BCO1: variants seen among roughly 807,000 people sequenced by gnomAD.
The protein encoded by BCO1 is beta-carotene oxygenase 1.
BCO1 carries 54 observed loss-of-function variants against 56.3 expected under a neutral mutation model. That is an observed-to-expected ratio of 0.96 (90% CI 0.77 to 1.20). The LOEUF (loss-of-function observed/expected upper bound fraction) is 1.20, where lower values mean the gene tolerates loss of function less well. Ranked by LOEUF, BCO1 falls within the 50% of genes most tolerant of loss-of-function variation. The pLI is 0.00. For synonymous variants in BCO1, 318 were observed against 266.1 expected, an observed-to-expected ratio of 1.20 and a Z score of -1.90; for missense variants, 801 against 690.9, an observed-to-expected ratio of 1.16 and a Z score of -1.79.
chr16:81,270,537 A>AC, intron 7 of BCO1, 121 bp downstream of exon 7: 2 of 1,377,992 alleles, frequency 1.5e-6, no homozygotes, highest in East Asian at 4.7e-5. Context: ...AAAAAAAAAA[A>AC]AGTTTTCATT....
At chr16:81,260,448 G>A (rs186562360) in intron 3 of BCO1, among the ~76,000 whole-genome samples, 33 of 152,298 alleles carry the variant, frequency 2.2e-4, no homozygotes, top group African/African-American at 7.0e-4. Flanking sequence ...GCAGATGGAT[G>A]TTGAGGAGAG....
chr16:81,280,232 C>A (rs545462017), intron 7 of BCO1, among the ~76,000 whole-genome samples: 1 of 137,974 alleles, frequency 7.2e-6, no homozygotes, highest in South Asian at 2.4e-4. Context: ...CACTGCACTC[C>A]GGACTCCAGT....
rs539627603 is a variant in BCO1, at chr16:81,244,751, A to G, written c.65-724A>G. On this transcript the variant is annotated intron_variant, in intron 1 of 10. Transcript: ENST00000258168. The stretch of plus-strand genomic sequence containing the variant: ...TTTTTTTTTTTAATTTTTTGAGACA[A>G]GGTCTTGCTCTGTTGCCCAGGCTGG... Among the ~76,000 whole-genome samples, 12 of 145,220 alleles carry G rather than the reference A, an allele frequency of 8.3e-5. No homozygotes were observed. The South Asian group carries it at 2.6e-3, about 32-fold the overall frequency.
At chr16:81,278,607 A>G (rs1320567955) in intron 7 of BCO1, among the ~76,000 whole-genome samples, 1 of 152,214 alleles carries the variant, frequency 6.6e-6, no homozygotes, top group Non-Finnish European at 1.5e-5. Flanking sequence ...GGAGATAATT[A>G]CAGCTCAGGG....
rs1237932511 is a variant in BCO1 at position 81,280,971 on chromosome 16, C to T, written c.1207+9C>T. The stretch of plus-strand genomic sequence containing the variant: ...GGAATTTCTTTATGAAGGTAAAATG[C>T]ATCCTCTTGTCCTGAGTTTAGGAAA... On this transcript the variant is annotated intron_variant, in intron 8 of 10. Coordinates refer to ENST00000258168, the MANE Select transcript of BCO1 (RefSeq NM_017429.3). 2 of 1,595,470 alleles carry T rather than the reference C, an allele frequency of 1.3e-6. No individual in the cohort carries two copies. Among genetic ancestry groups the T allele is most frequent in the Admixed American group, 1.7e-5 (1 of 59,990 alleles).
intron 1 of BCO1, among the ~76,000 whole-genome samples, chr16:81,242,162 G>A (rs1264280770): frequency 1.4e-5 from 2 of 145,090 alleles, no homozygotes; most frequent in Non-Finnish European, 3.0e-5. Context: ...CCACGATTAT[G>A]TAGGTGCCCA....
At chr16:81,256,877 C>T (rs921097840) in intron 2 of BCO1, among the ~76,000 whole-genome samples, 5 of 151,474 alleles carry the variant, frequency 3.3e-5, no homozygotes, top group Admixed American at 6.6e-5. Context: ...GACAGAGTGA[C>T]TCCATCTCAA....
At chr16:81,241,017 T>A (rs111374465) in intron 1 of BCO1, among the ~76,000 whole-genome samples, 3,619 of 151,930 alleles carry the variant, frequency 0.024, 141 homozygotes, top group African/African-American at 0.082. Flanking sequence ...TATTTTTAGC[T>A]GAAACAGGGT....
chr16:81,287,433 T>G, intron 10 of BCO1, 27 bp downstream of exon 10: 1 of 1,565,046 alleles, frequency 6.4e-7, no homozygotes, highest in Non-Finnish European at 8.8e-7. Context: ...CCACGCCTAG[T>G]TGCTGCACGT....
rs746577332 is a variant in BCO1 at position 81,238,932 on chromosome 16, T to C, written c.24T>C (p.Asn8=). ...CAATGGATATAATATTTGGCAGGAA[T>C]AGGAAAGAACAGCTGGAGCCTGTGA... MDIIFGR[N]RKEQLEPVRA... is the part of the protein sequence containing the mutation. Residue 8 remains asparagine, a synonymous_variant, in exon 1 of 11, where the codon AAT becomes AAC. Coordinates refer to ENST00000258168, the MANE Select transcript of BCO1 (RefSeq NM_017429.3). 324 of 1,613,904 alleles carry C rather than the reference T, an allele frequency of 2.0e-4. No individual in the cohort carries two copies. The highest frequency in any genetic ancestry group is 2.7e-4 in the Non-Finnish European group (315 of 1,180,018).
chr16:81,274,345 G>A (rs1229736295), intron 7 of BCO1, among the ~76,000 whole-genome samples: 2 of 143,802 alleles, frequency 1.4e-5, no homozygotes, highest in Non-Finnish European at 3.0e-5. Flanking sequence ...CTCACTGCAA[G>A]CTCCGCCTCC....
At chr16:81,258,356 A>G (rs376538388) in intron 2 of BCO1, among the ~76,000 whole-genome samples, 4 of 152,340 alleles carry the variant, frequency 2.6e-5, no homozygotes, top group African/African-American at 9.6e-5. Flanking sequence ...GACTCTCTGC[A>G]GAATTTGGAT....
chr16:81,257,769 C>G (rs958226688), intron 2 of BCO1, among the ~76,000 whole-genome samples: 2 of 151,276 alleles, frequency 1.3e-5, no homozygotes, highest in African/African-American at 4.9e-5. Flanking sequence ...ATACCAGCTA[C>G]TCGGGGAGGC....
chr16:81,277,022 G>A (rs1004042990), intron 7 of BCO1, among the ~76,000 whole-genome samples: 1 of 142,948 alleles, frequency 7.0e-6, no homozygotes, highest in Non-Finnish European at 1.5e-5. Flanking sequence ...AGCTGAGATC[G>A]TGCCACCGTA....
In BCO1 at chr16:81,285,453, A is replaced by G. The variant is rs1908123784; in HGVS notation, c.1208-87A>G. 3.0e-6 allele frequency: 3 copies of G among 987,730 alleles called. No individual in the cohort carries two copies. In the Admixed American group the frequency reaches 5.2e-5, roughly 17 times the overall value. 61.2% of individuals were successfully genotyped at this position (987,730 alleles called of 1,614,324 possible). On this transcript the variant is annotated intron_variant, in intron 8 of 10. Coordinates refer to ENST00000258168, the MANE Select transcript of BCO1 (RefSeq NM_017429.3). ...GATCTTGGTGTGGAAACGGATTCTG[A>G]GGAAAGGCTACCCAATCTGACAGGA...
At chr16:81,276,345 C>A (rs1047154131) in intron 7 of BCO1, among the ~76,000 whole-genome samples, 25 of 152,302 alleles carry the variant, frequency 1.6e-4, no homozygotes, top group African/African-American at 5.1e-4. Context: ...GGTGCTTCCA[C>A]CCCCACCCCA....
intron 3 of BCO1, chr16:81,261,864 C>G: frequency 2.6e-6 from 1 of 386,548 alleles, no homozygotes; most frequent in Non-Finnish European, 5.0e-6. Flanking sequence ...GCCTCAGCCT[C>G]CCGAGTAGCT....
intron 8 of BCO1, among the ~76,000 whole-genome samples, chr16:81,284,676 G>T (rs1019992414): frequency 1.3e-5 from 2 of 151,960 alleles, no homozygotes; most frequent in East Asian, 1.9e-4. Context: ...TAGAGATGGG[G>T]TTCTTGCCAT....
intron 1 of BCO1, among the ~76,000 whole-genome samples, chr16:81,240,836 A>ATT (rs140061342): frequency 0.016 from 2,292 of 139,686 alleles, 46 homozygotes; most frequent in African/African-American, 0.042. Context: ...TTTAATTTTA[A>ATT]TTTTTTTTTT....
Sources: allele counts gnomAD v4.1 joint callset (sites outside exome capture counted in the v4.1 genomes callset), GRCh38; gene constraint gnomAD v4.1.1; transcripts MANE v1.5; gene names NCBI Gene and HGNC (gene_info 2026-07-23, HGNC 2026-07-21).